The following ENGASE variants were observed in gnomAD, a reference collection of about 807,000 sequenced individuals.
The protein encoded by ENGASE is endo-beta-N-acetylglucosaminidase, also known as cytosolic endo-beta-N-acetylglucosaminidase.
Under a neutral mutation model 78.5 loss-of-function variants are expected in ENGASE, and 69 were observed. The ratio of observed to expected loss-of-function variants is 0.88; its 90% CI spans 0.72 to 1.07. The LOEUF (loss-of-function observed/expected upper bound fraction) is 1.07, where lower values mean the gene tolerates loss of function less well. Ranked by LOEUF, ENGASE falls within the 50% of genes least tolerant of loss-of-function variation. The probability of loss-of-function intolerance (pLI) is 0.00; values close to 1 mark genes in which losing one functional copy is unlikely to be tolerated. For synonymous variants in ENGASE, 408 were observed against 408.9 expected, an observed-to-expected ratio of 1.00 and a Z score of 0.03; for missense variants, 943 against 988.4, an observed-to-expected ratio of 0.95 and a Z score of 0.62.
chr17:79,079,905 A>G (rs931752093), intron 4 of ENGASE, among the ~76,000 whole-genome samples: 6 of 152,228 alleles, frequency 3.9e-5, no homozygotes, highest in Non-Finnish European at 7.3e-5. Flanking sequence ...TTCCAGTAAA[A>G]TTGCATTTTA....
intron 13 of ENGASE, 82 bp downstream of exon 13, chr17:79,085,816 C>G: frequency 6.2e-7 from 1 of 1,600,112 alleles, no homozygotes; most frequent in African/African-American, 1.3e-5. Flanking sequence ...AGGCCGCCCC[C>G]TTCTTGGGTT....
Position 79,074,863 on chromosome 17 carries a change from G to A in ENGASE, c.-82G>A, listed in dbSNP as rs2072926754. ...AGTCCCGTCCCAGCGCGGCGTCAGC[G>A]CTGCGCACTTCCCATTGGCCGAGCG... is the stretch of plus-strand genomic sequence containing the variant. On this transcript the variant is annotated 5_prime_UTR_variant, in exon 1 of 14. Coordinates refer to ENST00000579016, the MANE Select transcript of ENGASE (RefSeq NM_001042573.3). The A allele has an allele frequency of 7.4e-6, 9 of 1,215,510 alleles. No individual in the cohort carries two copies. The highest frequency in any genetic ancestry group is 9.2e-6 in the Non-Finnish European group (9 of 976,004). The allele number at this position is 1,215,510 out of a possible 1,614,324, so 75.3% of individuals were successfully genotyped here. A position where few individuals can be genotyped will look rare whatever the true frequency, so the allele number is the denominator to read the frequency against.
At chr17:79,081,721 G>A (rs182619868) in intron 6 of ENGASE, among the ~76,000 whole-genome samples, 177 bp from the exon 7 acceptor site, 2 of 147,068 alleles carry the variant, frequency 1.4e-5, no homozygotes, top group Admixed American at 6.8e-5. Flanking sequence ...TGTCCCTCTG[G>A]GCTCTAGGAG....
intron 10 of ENGASE, 127 bp downstream of exon 10, chr17:79,084,078 A>T (rs886089451): frequency 5.0e-6 from 4 of 804,542 alleles, no homozygotes; most frequent in Non-Finnish European, 7.8e-6. Flanking sequence ...TGGGTTTTTT[A>T]AAATTGTGAT....
chr17:79,075,735 CG>C, intron 1 of ENGASE: 1 of 985,430 alleles, frequency 1.0e-6, no homozygotes, highest in Non-Finnish European at 1.2e-6. Context: ...AAACAGCAGC[CG>C]TAGCTTTGTT....
chr17:79,079,410 C>A, intron 3 of ENGASE, 79 bp from the exon 4 acceptor site: 2 of 1,508,892 alleles, frequency 1.3e-6, no homozygotes, highest in South Asian at 1.2e-5. Context: ...TCAAGTGATC[C>A]ACCTGCCTTG....
intron 6 of ENGASE, 114 bp from the exon 7 acceptor site, chr17:79,081,784 G>A: frequency 7.3e-7 from 1 of 1,363,292 alleles, no homozygotes; most frequent in East Asian, 2.4e-5. Flanking sequence ...GGTGGGGTGG[G>A]GTGGGCCCAT....
chr17:79,082,410 A>G (rs2073168842), intron 7 of ENGASE: 2 of 1,235,670 alleles, frequency 1.6e-6, no homozygotes, highest in Non-Finnish European at 1.0e-6. Flanking sequence ...GCGGGGACGC[A>G]CAGGGGCCTG....
intron 5 of ENGASE, 38 bp from the exon 6 acceptor site, chr17:79,080,887 G>GA (rs1374145002): frequency 2.5e-6 from 4 of 1,587,870 alleles, no homozygotes; most frequent in African/African-American, 2.7e-5. Context: ...GATAGATCTG[G>GA]GGCTCACTGA....
At chr17:79,075,626 G>T (rs1651545189) in intron 1 of ENGASE, 8 of 927,050 alleles carry the variant, frequency 8.6e-6, no homozygotes, top group Non-Finnish European at 1.0e-5. Flanking sequence ...TGCCCCTCTG[G>T]GCTGGGCTTC....
intron 7 of ENGASE, 71 bp from the exon 8 acceptor site, chr17:79,082,949 C>T (rs1437644055): frequency 6.9e-6 from 11 of 1,586,278 alleles, no homozygotes; most frequent in South Asian, 2.3e-5. Flanking sequence ...CCCCAACCCA[C>T]GTCACTGGCG....
In ENGASE at chr17:79,086,791, G is replaced by A. The variant is rs555757449; in HGVS notation, c.*442G>A. 2 of 371,680 alleles carry A rather than the reference G, an allele frequency of 5.4e-6. No individual in the cohort carries two copies. The highest frequency in any genetic ancestry group is 2.1e-5 in the African/African-American group (1 of 47,248). The allele number at this position is 371,680 out of a possible 1,614,324, so 23.0% of individuals were successfully genotyped here. On this transcript the variant is annotated 3_prime_UTR_variant, in exon 14 of 14. Transcript: ENST00000579016. ...GCAGGTAGGCTTTGGAGCAGGCGCCGAGACATTTCTGAGCATGAGGACGAG... is the reference window on the plus strand; with the variant it reads ...GCAGGTAGGCTTTGGAGCAGGCGCCAAGACATTTCTGAGCATGAGGACGAG...
chr17:79,079,738 C>T, intron 4 of ENGASE, 101 bp downstream of exon 4: 1 of 1,467,354 alleles, frequency 6.8e-7, no homozygotes, highest in Non-Finnish European at 9.1e-7. Flanking sequence ...CTTCTCAGTG[C>T]CCAGAGCCCC....
intron 1 of ENGASE, among the ~76,000 whole-genome samples, chr17:79,076,570 T>C (rs2072972715): frequency 6.6e-6 from 1 of 152,162 alleles, no homozygotes; most frequent in Non-Finnish European, 1.5e-5. Context: ...TCTCAATTAA[T>C]CAATCAATTT....
At chr17:79,077,069 C>A (rs919529059) in intron 1 of ENGASE, among the ~76,000 whole-genome samples, 1 of 152,094 alleles carries the variant, frequency 6.6e-6, no homozygotes, top group Admixed American at 6.5e-5. Flanking sequence ...TGGGGTTTTG[C>A]CATGTTGGCC....
rs767313775 is a variant in ENGASE at position 79,084,644 on chromosome 17, G to T, written c.1549G>T (p.Asp517Tyr). 1 of 1,613,224 alleles carries T rather than the reference G, an allele frequency of 6.2e-7. No individual in the cohort carries two copies. Among genetic ancestry groups the T allele is most frequent in the Admixed American group, 1.7e-5 (1 of 59,924 alleles). Residue 517 changes from aspartate to tyrosine, a missense_variant, in exon 11 of 14, where the codon GAT (aspartate) becomes TAT (tyrosine). Asp to Tyr is a radical substitution (Grantham distance 160). Transcript: ENST00000579016. ...AGTTGCTTTGGAGCTGACCACAGGGGATGCCGGCAGCTGCCACATCGGTGG... is the reference window on the plus strand; with the variant it reads ...AGTTGCTTTGGAGCTGACCACAGGGTATGCCGGCAGCTGCCACATCGGTGG... ...VTVALELTTG[D>Y]AGSCHIGGIS...
chr17:79,079,043 C>A (rs1210796444), intron 3 of ENGASE, among the ~76,000 whole-genome samples: 1 of 152,194 alleles, frequency 6.6e-6, no homozygotes, highest in Non-Finnish European at 1.5e-5. Context: ...TCCCTGCCTG[C>A]ACCTTGCCTG....
chr17:79,077,620 A>C, intron 2 of ENGASE, 43 bp from the exon 3 acceptor site: 4 of 1,608,730 alleles, frequency 2.5e-6, no homozygotes, highest in Non-Finnish European at 3.4e-6. Flanking sequence ...TTAATCCTAT[A>C]ATAGTTTCCA....
In ENGASE at chr17:79,074,828, G is replaced by A; in HGVS notation, c.-117G>A. On this transcript the variant is annotated 5_prime_UTR_variant, in exon 1 of 14. Coordinates refer to ENST00000579016, the MANE Select transcript of ENGASE (RefSeq NM_001042573.3). ...CCCGCCGCGCGGCCGCTGGCCGGGA[G>A]TCAGCTCGGAGTCCCGTCCCAGCGC... The A allele has an allele frequency of 8.4e-7, 1 of 1,195,956 alleles. No individual in the cohort carries two copies. Among genetic ancestry groups the A allele is most frequent in the Non-Finnish European group, 1.0e-6 (1 of 963,286 alleles). 74.1% of individuals were successfully genotyped at this position (1,195,956 alleles called of 1,614,324 possible).
Sources: gnomAD v4.1 joint callset for allele counts (sites outside exome capture counted in the v4.1 genomes callset) on GRCh38, gnomAD v4.1.1 for gene constraint, MANE v1.5 for transcripts, NCBI Gene and HGNC (gene_info 2026-07-23, HGNC 2026-07-21) for gene names.